Variants in RAD51C observed in about 807,000 individuals in gnomAD.
RAD51C encodes DNA repair protein RAD51 homolog 3.
A neutral mutation model predicts 45.0 loss-of-function variants in RAD51C; 42 were observed. That is an observed-to-expected ratio of 0.93 (90% CI 0.73 to 1.21). The LOEUF (loss-of-function observed/expected upper bound fraction) is 1.21. Among genes scored for constraint, RAD51C ranks in the 50% most tolerant of loss-of-function variants. The pLI, the probability that RAD51C is intolerant of heterozygous loss-of-function variation, is 0.00. For missense variants in RAD51C, 474 were observed against 452.2 expected, an observed-to-expected ratio of 1.05 and a Z score of -0.44; for synonymous variants, 172 against 159.8, an observed-to-expected ratio of 1.08 and a Z score of -0.58.
chr17:58,716,416 T>G (rs1156831349), intron 5 of RAD51C, among the ~76,000 whole-genome samples: 1 of 152,186 alleles, frequency 6.6e-6, no homozygotes, highest in African/African-American at 2.4e-5. Context: ...GCACTTGAAA[T>G]ATAGCTAATA....
In RAD51C at chr17:58,696,765, T is replaced by C. The variant is rs760436864; in HGVS notation, c.477T>C (p.Asp159=). 2 of 1,614,222 alleles carry C rather than the reference T, an allele frequency of 1.2e-6. No individual in the cohort carries two copies. The highest frequency in any genetic ancestry group is 2.2e-5 in the South Asian group (2 of 91,088). ...GGVAGEAVFI[D]TEGSFMVDRV... is the part of the protein sequence containing the mutation. Reference sequence around the variant, plus strand: ...TGGCAGGTGAAGCAGTTTTTATTGATACAGAGGGAAGTTTTATGGTTGATA... The same window carrying C: ...TGGCAGGTGAAGCAGTTTTTATTGACACAGAGGGAAGTTTTATGGTTGATA... Residue 159 remains aspartate (D), a synonymous_variant, in exon 3 of 9, where the codon GAT becomes GAC. Coordinates refer to ENST00000337432, the MANE Select transcript of RAD51C (RefSeq NM_058216.3).
At chr17:58,700,745 T>C (rs1019350014) in intron 3 of RAD51C, among the ~76,000 whole-genome samples, 1 of 151,630 alleles carries the variant, frequency 6.6e-6, no homozygotes, top group Non-Finnish European at 1.5e-5. Context: ...TGGCCTAAAG[T>C]TTTTAAATGA....
rs1473298538 is a variant in RAD51C at position 58,702,657 on chromosome 17, C to T, written c.572-539C>T. Among the ~76,000 whole-genome samples, 4 of 150,604 alleles carry T rather than the reference C, an allele frequency of 2.7e-5. No homozygotes were observed. The East Asian group carries it at 7.8e-4, about 29-fold the overall frequency. ...GCAGTGTGCCAAGATCGCATCACTG[C>T]ACTCCAGCCTGGGTGACAGAGTGAG... On this transcript the variant is annotated intron_variant, in intron 3 of 8. Transcript: ENST00000337432.
intron 5 of RAD51C, among the ~76,000 whole-genome samples, chr17:58,714,531 T>C (rs1052232367): frequency 2.0e-5 from 3 of 152,202 alleles, no homozygotes; most frequent in African/African-American, 7.2e-5. Context: ...CGATCTTGGC[T>C]CACTGCAACC....
chr17:58,696,167 T>G (rs1309780622), intron 2 of RAD51C, among the ~76,000 whole-genome samples: 1 of 152,124 alleles, frequency 6.6e-6, no homozygotes, highest in Non-Finnish European at 1.5e-5. Context: ...GCGCAGTGGC[T>G]GACGCTTGTA....
At chr17:58,706,491 C>A in intron 4 of RAD51C, 1 of 428,248 alleles carries the variant, frequency 2.3e-6, no homozygotes, top group Non-Finnish European at 4.8e-6. Context: ...CCTTCCAGGC[C>A]CACTGCAGTA....
At chr17:58,696,208 A>G (rs1365536290) in intron 2 of RAD51C, among the ~76,000 whole-genome samples, 1 of 152,168 alleles carries the variant, frequency 6.6e-6, no homozygotes. Context: ...CAAGGCAGGC[A>G]GATCATGAGG....
intron 5 of RAD51C, among the ~76,000 whole-genome samples, chr17:58,715,218 A>C (rs2048690731): frequency 6.6e-6 from 1 of 151,958 alleles, no homozygotes; most frequent in Non-Finnish European, 1.5e-5. Context: ...TTGGGAGGCC[A>C]AGGTGGGTGG....
At chr17:58,715,965 C>T (rs779714610) in intron 5 of RAD51C, among the ~76,000 whole-genome samples, 7 of 151,872 alleles carry the variant, frequency 4.6e-5, no homozygotes, top group East Asian at 1.9e-4. Context: ...TTTAGCCAAG[C>T]GTGGTGGGGG....
At chr17:58,712,889 A>G (rs2048608493) in intron 5 of RAD51C, among the ~76,000 whole-genome samples, 1 of 152,072 alleles carries the variant, frequency 6.6e-6, no homozygotes, top group South Asian at 2.1e-4. Flanking sequence ...TTGGGAGGCC[A>G]AGGTGGGAGG....
At chr17:58,725,159 C>T (rs1427554121) in intron 7 of RAD51C, among the ~76,000 whole-genome samples, 1 of 152,018 alleles carries the variant, frequency 6.6e-6, no homozygotes, top group South Asian at 2.1e-4. Context: ...TTGACTGTCG[C>T]CCCCTAATTT....
At chr17:58,722,690 A>T (rs1411488361) in intron 6 of RAD51C, among the ~76,000 whole-genome samples, 2 of 152,194 alleles carry the variant, frequency 1.3e-5, no homozygotes, top group Non-Finnish European at 1.5e-5. Flanking sequence ...TTTAAAAATC[A>T]ACGTAGACCA....
At position 58,732,702 on chromosome 17, in the gene RAD51C, T is replaced by C. The variant is rs2049482364; in HGVS notation, c.1026+158T>C. 3 of 699,262 alleles carry C rather than the reference T, an allele frequency of 4.3e-6. No individual in the cohort carries two copies. The South Asian group carries it at 4.8e-5, about 11-fold the overall frequency. The allele number at this position is 699,262 out of a possible 1,614,324, so 43.3% of individuals were successfully genotyped here. A position where few individuals can be genotyped will look rare whatever the true frequency, so the allele number is the denominator to read the frequency against. ...ACATTGTCCCCAAAATAGTAGTATA[T>C]ACAGAATATTGTAGTCACAAATGGA... is the stretch of plus-strand genomic sequence containing the variant. On this transcript the variant is annotated intron_variant, in intron 8 of 8. Transcript: ENST00000337432.
intron 3 of RAD51C, among the ~76,000 whole-genome samples, chr17:58,699,389 T>A (rs533596213): frequency 6.6e-6 from 1 of 152,268 alleles, no homozygotes; most frequent in South Asian, 2.1e-4. Context: ...AAAAAATGCT[T>A]TTCATAAGAT....
At position 58,717,274 on chromosome 17, in the gene RAD51C, A is replaced by G. The variant is rs140186400; in HGVS notation, c.838-3472A>G. On this transcript the variant is annotated intron_variant, in intron 5 of 8. Transcript: ENST00000337432. ...ATTTAAAAATTAGTTAGGCATGCCT[A>G]TAGTTCTAGCTAGTAGAACTTGTGC... 7.2e-3 allele frequency among the ~76,000 whole-genome samples: 1,090 copies of G among 152,234 alleles called. 7 individuals carry two copies. The highest frequency in any genetic ancestry group is 0.011 in the Non-Finnish European group (756 of 68,000).
At chr17:58,728,163 T>A (rs1412080943) in intron 7 of RAD51C, among the ~76,000 whole-genome samples, 1 of 151,076 alleles carries the variant, frequency 6.6e-6, no homozygotes, top group Admixed American at 6.6e-5. Context: ...GAGAATCACT[T>A]GAACCCAGGA....
At chr17:58,726,055 A>G (rs1326867631) in intron 7 of RAD51C, among the ~76,000 whole-genome samples, 2 of 151,324 alleles carry the variant, frequency 1.3e-5, no homozygotes, top group African/African-American at 4.8e-5. Context: ...GAATATAGAT[A>G]GATTGGGGGA....
At chr17:58,725,066 C>T (rs1484434086) in intron 7 of RAD51C, among the ~76,000 whole-genome samples, 1 of 152,128 alleles carries the variant, frequency 6.6e-6, no homozygotes, top group African/African-American at 2.4e-5. Flanking sequence ...ACTGATCGTG[C>T]AGTTTGGGTC....
chr17:58,712,099 A>T (rs1423183268), intron 5 of RAD51C, among the ~76,000 whole-genome samples: 4 of 152,034 alleles, frequency 2.6e-5, no homozygotes, highest in African/African-American at 9.7e-5. Flanking sequence ...CTGTAATGCC[A>T]GCACTTTGGG....
Sources: gnomAD v4.1 joint callset for allele counts (sites outside exome capture counted in the v4.1 genomes callset) on GRCh38, gnomAD v4.1.1 for gene constraint, MANE v1.5 for transcripts, NCBI Gene and HGNC (gene_info 2026-07-23, HGNC 2026-07-21) for gene names.